The following ADAMTSL1 variants were observed in gnomAD, a reference collection of about 807,000 sequenced individuals.
ADAMTSL1 encodes the protein ADAMTS-like protein 1.
A neutral mutation model predicts 201.8 loss-of-function variants in ADAMTSL1; 126 were observed. That is an observed-to-expected ratio of 0.62 (90% CI 0.54 to 0.72). ADAMTSL1 has a LOEUF of 0.72. ADAMTSL1 is among the 30% of genes least tolerant of loss of function. ADAMTSL1 has a pLI of 0.00. For synonymous variants in ADAMTSL1, 1,121 were observed against 903.4 expected (o/e 1.24, Z -4.32); for missense variants, 2,679 against 2,277.8 (o/e 1.18, Z -3.59).
At chr9:17,986,833 A>T (rs937057677) in intron 1 of ADAMTSL1, among the ~76,000 whole-genome samples, 5 of 152,126 alleles carry the variant, frequency 3.3e-5, no homozygotes. Context: ...AGGTGCAAAC[A>T]TTACCTCATA....
intron 2 of ADAMTSL1, among the ~76,000 whole-genome samples, chr9:18,445,258 C>T (rs956221234): frequency 6.6e-5 from 10 of 152,280 alleles, no homozygotes; most frequent in African/African-American, 2.4e-4. Context: ...GCTAAACAAT[C>T]TGTCACCACC....
At chr9:18,694,272 C>T (rs929204978) in intron 13 of ADAMTSL1, among the ~76,000 whole-genome samples, 1 of 152,114 alleles carries the variant, frequency 6.6e-6, no homozygotes, top group Admixed American at 6.5e-5. Context: ...CCCCTGGCCC[C>T]TCCCAAATCT....
chr9:18,791,357 C>T (rs10963764), intron 19 of ADAMTSL1, among the ~76,000 whole-genome samples: 21,536 of 152,154 alleles, frequency 0.14, 2,259 homozygotes, highest in East Asian at 0.32. Context: ...AATCCTCCCC[C>T]ATCCCTGAAA....
chr9:18,468,687 G>A (rs1335409776), intron 2 of ADAMTSL1, among the ~76,000 whole-genome samples: 1 of 152,226 alleles, frequency 6.6e-6, no homozygotes, highest in Non-Finnish European at 1.5e-5. Flanking sequence ...AAATGCAACA[G>A]CTAAGATTTA....
At chr9:18,566,938 T>A (rs1821939849) in intron 3 of ADAMTSL1, among the ~76,000 whole-genome samples, 1 of 152,126 alleles carries the variant, frequency 6.6e-6, no homozygotes, top group Non-Finnish European at 1.5e-5. Context: ...ATAGTTCTGA[T>A]GGATTGGATA....
At chr9:18,771,036 G>T (rs917917618) in intron 17 of ADAMTSL1, among the ~76,000 whole-genome samples, 2 of 152,122 alleles carry the variant, frequency 1.3e-5, no homozygotes, top group African/African-American at 4.8e-5. Context: ...AACAAAACCA[G>T]ACCTCATTGG....
At chr9:18,863,178 C>A (rs1328500361) in intron 23 of ADAMTSL1, among the ~76,000 whole-genome samples, 2 of 152,310 alleles carry the variant, frequency 1.3e-5, no homozygotes, top group East Asian at 1.9e-4. Flanking sequence ...ATCTTCTTCA[C>A]CTGTAAGAGA....
intron 2 of ADAMTSL1, among the ~76,000 whole-genome samples, chr9:18,514,174 G>A (rs755728974): frequency 3.9e-5 from 6 of 151,994 alleles, no homozygotes; most frequent in African/African-American, 1.4e-4. Flanking sequence ...TTTCAGTAAT[G>A]TTTTGTGATT....
intron 2 of ADAMTSL1, among the ~76,000 whole-genome samples, chr9:18,467,114 A>G (rs1821038048): frequency 6.6e-6 from 1 of 152,208 alleles, no homozygotes; most frequent in Admixed American, 6.5e-5. Flanking sequence ...TGTGAATACA[A>G]GAGTTTGTAA....
intron 2 of ADAMTSL1, among the ~76,000 whole-genome samples, chr9:18,299,216 C>G (rs529260820): frequency 2.6e-5 from 4 of 152,006 alleles, no homozygotes; most frequent in South Asian, 2.1e-4. Context: ...GAATTCAAAC[C>G]CCAGACTTCT....
rs562765887 is a variant in ADAMTSL1, at chr9:18,544,489, G to A, written c.237+11197G>A. On this transcript the variant is annotated intron_variant, in intron 3 of 28. Coordinates refer to ENST00000380548, the MANE Select transcript of ADAMTSL1 (RefSeq NM_001040272.6). ...CTAGTATACTTAAAGGGCCATAGGA[G>A]ATATTGTCCCCTAAATTGATCACAG... Among the ~76,000 whole-genome samples, 12 of 152,158 alleles carry A rather than the reference G, an allele frequency of 7.9e-5. No individual in the cohort carries two copies. The South Asian group carries it at 2.5e-3, about 32-fold the overall frequency.
At chr9:18,436,580 A>G (rs553998197) in intron 2 of ADAMTSL1, among the ~76,000 whole-genome samples, 16 of 152,176 alleles carry the variant, frequency 1.1e-4, no homozygotes, top group Middle Eastern at 3.4e-3. Context: ...ATTGCCCAGT[A>G]TGTCTCCAGT....
At chr9:18,255,786 C>G (rs1831659370) in intron 2 of ADAMTSL1, among the ~76,000 whole-genome samples, 1 of 152,188 alleles carries the variant, frequency 6.6e-6, no homozygotes, top group Non-Finnish European at 1.5e-5. Context: ...TCCCTCCCAC[C>G]TCTCTGCCTC....
At chr9:17,937,579 T>C (rs1280569389) in intron 1 of ADAMTSL1, among the ~76,000 whole-genome samples, 1 of 85,452 alleles carries the variant, frequency 1.2e-5, no homozygotes, top group African/African-American at 4.1e-5. Flanking sequence ...TTAACCCTTT[T>C]TAGATGGAGG....
At chr9:18,331,819 A>C (rs928025049) in intron 2 of ADAMTSL1, among the ~76,000 whole-genome samples, 9 of 152,220 alleles carry the variant, frequency 5.9e-5, no homozygotes, top group Non-Finnish European at 1.3e-4. Flanking sequence ...TTAATCCAGC[A>C]ATGGAACTAA....
At chr9:18,433,718 C>T (rs1015644639) in intron 2 of ADAMTSL1, among the ~76,000 whole-genome samples, 1 of 152,134 alleles carries the variant, frequency 6.6e-6, no homozygotes, top group Non-Finnish European at 1.5e-5. Context: ...GCTAATTAAA[C>T]CTAACTACTG....
At chr9:18,429,557 C>G (rs1318753522) in intron 2 of ADAMTSL1, among the ~76,000 whole-genome samples, 1 of 152,028 alleles carries the variant, frequency 6.6e-6, no homozygotes, top group Non-Finnish European at 1.5e-5. Flanking sequence ...ATACCCAGAA[C>G]AATGCTTCCA....
intron 2 of ADAMTSL1, among the ~76,000 whole-genome samples, chr9:18,389,554 G>C (rs1162687393): frequency 6.6e-6 from 1 of 152,124 alleles, no homozygotes; most frequent in African/African-American, 2.4e-5. Flanking sequence ...ATTAGGAATT[G>C]AACTCCATAA....
At chr9:18,752,223 G>T (rs1819509330) in intron 15 of ADAMTSL1, among the ~76,000 whole-genome samples, 1 of 151,052 alleles carries the variant, frequency 6.6e-6, no homozygotes, top group African/African-American at 2.4e-5. Flanking sequence ...TAGATGAAAG[G>T]AGGTAGTGGA....
Sources: allele counts gnomAD v4.1 joint callset (sites outside exome capture counted in the v4.1 genomes callset), GRCh38; gene constraint gnomAD v4.1.1; transcripts MANE v1.5; gene names NCBI Gene and HGNC (gene_info 2026-07-23, HGNC 2026-07-21).